Variants in ATP1A4 observed in about 807,000 individuals in gnomAD.
The protein encoded by ATP1A4 is ATPase Na+/K+ transporting subunit alpha 4.
In ATP1A4, 90 loss-of-function variants were observed where a neutral mutation model predicts 114.3. The observed-to-expected ratio is 0.79, with a 90% confidence interval of 0.66 to 0.94. The LOEUF (loss-of-function observed/expected upper bound fraction) is 0.94, where lower values mean the gene tolerates loss of function less well. Among genes scored for constraint, ATP1A4 ranks in the 40% least tolerant of loss-of-function variants. ATP1A4 has a pLI of 0.00. For synonymous variants in ATP1A4, 511 were observed against 494.1 expected, an observed-to-expected ratio of 1.03 and a Z score of -0.45; for missense variants, 1,222 against 1,313.6, an observed-to-expected ratio of 0.93 and a Z score of 1.08.
In ATP1A4 at chr1:160,159,147, G is replaced by A. The variant is rs1198474017; in HGVS notation, c.660+11G>A. On this transcript the variant is annotated intron_variant, in intron 5 of 21. Transcript: ENST00000368081. ...GCACAAGGATGTAAGGTGAGGGGAT[G>A]CCGAAAGCTATGTGAGGGACCCAAG... The A allele has an allele frequency of 9.3e-6, 15 of 1,612,430 alleles. No homozygotes were observed. The highest frequency in any genetic ancestry group is 1.3e-5 in the Non-Finnish European group (15 of 1,179,094).
Position 160,186,282 on chromosome 1 carries a change from C to G in ATP1A4, c.2976C>G (p.Thr992=), listed in dbSNP as rs780967221. ...TGGCTCTTGCTCTCTACAGGATAAC[C>G]TGGTGGCTCTGTGCCATTCCCTACA... ...VALRMYPLKI[T]WWLCAIPYSI... The change falls in exon 21 of 22, where the codon ACC becomes ACG. Residue 992 remains threonine, a synonymous_variant. Coordinates refer to ENST00000368081, the MANE Select transcript of ATP1A4 (RefSeq NM_144699.4). 1.2e-6 allele frequency: 2 copies of G among 1,611,822 alleles called. No homozygotes were observed. The highest frequency in any genetic ancestry group is 2.2e-5 in the South Asian group (2 of 91,036).
In ATP1A4 at chr1:160,176,234, C is replaced by T. The variant is rs750155346; in HGVS notation, c.2454C>T (p.Leu818=). Reference sequence around the variant, plus strand: ...CCATAACCATCCTCTGCATTGATCTCGGCACTGACATGGTAAGGGCCAAGC... The same window carrying T: ...CCATAACCATCCTCTGCATTGATCTTGGCACTGACATGGTAAGGGCCAAGC... ...LGTITILCID[L]GTDMVPAISL... is the part of the protein sequence containing the mutation. Residue 818 remains leucine, a synonymous_variant, in exon 16 of 22, where the codon CTC becomes CTT. Coordinates refer to ENST00000368081, the MANE Select transcript of ATP1A4 (RefSeq NM_144699.4). 12 of 1,614,030 alleles carry T rather than the reference C, an allele frequency of 7.4e-6. No individual in the cohort carries two copies. Among genetic ancestry groups the T allele is most frequent in the South Asian group, 4.4e-5 (4 of 91,074 alleles).
chr1:160,159,384 C>A, intron 5 of ATP1A4, 25 bp from the exon 6 acceptor site: 2 of 1,583,526 alleles, frequency 1.3e-6, no homozygotes, highest in Non-Finnish European at 1.7e-6. Context: ...GCTCACCTTA[C>A]AACGCGTCCC....
At chr1:160,181,885 C>G in intron 19 of ATP1A4, 45 bp from the exon 20 acceptor site, 1 of 1,613,768 alleles carries the variant, frequency 6.2e-7, no homozygotes, top group East Asian at 2.2e-5. Context: ...TTCCCCCTGC[C>G]TTTTCTTCTC....
At chr1:160,158,423 C>T (rs1271239886) in intron 4 of ATP1A4, among the ~76,000 whole-genome samples, 1 of 152,058 alleles carries the variant, frequency 6.6e-6, no homozygotes, top group African/African-American at 2.4e-5. Flanking sequence ...GTCACTCAGA[C>T]TGAAGCGTAG....
rs1219590776 is a variant in ATP1A4, at chr1:160,171,374, G to A, written c.1615G>A (p.Asp539Asn). 9.3e-6 allele frequency: 15 copies of A among 1,614,170 alleles called. No homozygotes were observed. The highest frequency in any genetic ancestry group is 3.3e-5 in the Admixed American group (2 of 60,014). ...GAATGGGCAGGAGTACTCAATGAAC[G>A]ATGAAATGAAGGAAGCCTTCCAAAA... The part of the protein sequence containing the change: ...LLNGQEYSMN[D>N]EMKEAFQNAY... The change falls in exon 11 of 22, where the codon GAT becomes AAT. Residue 539 changes from aspartate to asparagine, a missense_variant. Transcript: ENST00000368081.
intron 10 of ATP1A4, chr1:160,170,183 C>A (rs935828240): frequency 4.0e-5 from 6 of 151,358 alleles, no homozygotes; most frequent in African/African-American, 1.2e-4. Context: ...CCAGCAGTTT[C>A]CGAGGCCAAG....
At chr1:160,181,012 A>G (rs1286329274) in intron 18 of ATP1A4, among the ~76,000 whole-genome samples, 3 of 151,904 alleles carry the variant, frequency 2.0e-5, no homozygotes, top group East Asian at 1.9e-4. Flanking sequence ...CCACACGCCC[A>G]GCCTGCCTTC....
intron 4 of ATP1A4, 34 bp from the exon 5 acceptor site, chr1:160,158,967 AG>A: frequency 6.3e-7 from 1 of 1,597,794 alleles, no homozygotes; most frequent in Non-Finnish European, 8.6e-7. Flanking sequence ...GAAAGCCAAA[AG>A]TTTTGGAAAT....
chr1:160,173,446 C>T (rs972971929), intron 12 of ATP1A4, 135 bp from the exon 13 acceptor site: 6 of 1,303,598 alleles, frequency 4.6e-6, no homozygotes, highest in Admixed American at 2.2e-5. Flanking sequence ...TTGGTCTACA[C>T]CACAAGTTCT....
Position 160,159,395 on chromosome 1 carries a change from C to G in ATP1A4, c.661-14C>G, listed in dbSNP as rs1035433245. On this transcript the variant is annotated splice_polypyrimidine_tract_variant and intron_variant, in intron 5 of 21. Transcript: ENST00000368081. ...CTATGCTCACCTTACAACGCGTCCC[C>G]TCTCCCATCCCAGGTGGACAACTCA... 2 of 1,600,152 alleles carry G rather than the reference C, an allele frequency of 1.2e-6. No individual in the cohort carries two copies. The highest frequency in any genetic ancestry group is 1.3e-5 in the African/African-American group (1 of 74,090).
Position 160,177,509 on chromosome 1 carries a change from T to G in ATP1A4, c.2591-10T>G. ...CAGGCTCCCCTGTCCTGCAACTCTGTCATTCACAGGGATGATCCAGGCTCT... is the reference window on the plus strand; with the variant it reads ...CAGGCTCCCCTGTCCTGCAACTCTGGCATTCACAGGGATGATCCAGGCTCT... On this transcript the variant is annotated splice_polypyrimidine_tract_variant and intron_variant, in intron 17 of 21. Coordinates refer to ENST00000368081, the MANE Select transcript of ATP1A4 (RefSeq NM_144699.4). The G allele has an allele frequency of 6.2e-7, 1 of 1,613,704 alleles. No homozygotes were observed. The highest frequency in any genetic ancestry group is 1.1e-5 in the South Asian group (1 of 90,988).
At chr1:160,157,207 T>C (rs536123223) in intron 4 of ATP1A4, among the ~76,000 whole-genome samples, 5 of 144,386 alleles carry the variant, frequency 3.5e-5, no homozygotes, top group African/African-American at 1.2e-4. Context: ...TATTTTAGAT[T>C]CGGGGATACA....
At chr1:160,160,239 CAG>C (rs1652821485) in intron 6 of ATP1A4, among the ~76,000 whole-genome samples, 1 of 152,092 alleles carries the variant, frequency 6.6e-6, no homozygotes, top group South Asian at 2.1e-4. Flanking sequence ...TTTTTTGAAA[CAG>C]AGTCTCTCTC....
chr1:160,165,094 T>G (rs1475102213), intron 7 of ATP1A4, among the ~76,000 whole-genome samples: 2 of 152,222 alleles, frequency 1.3e-5, no homozygotes, highest in East Asian at 3.9e-4. Flanking sequence ...AAATAATCCC[T>G]CTTCCCTTAG....
At chr1:160,165,077 G>A (rs975983569) in intron 7 of ATP1A4, among the ~76,000 whole-genome samples, 6 of 152,208 alleles carry the variant, frequency 3.9e-5, no homozygotes, top group African/African-American at 1.4e-4. Flanking sequence ...TCTGGTGGTA[G>A]CAGGTGAAAT....
rs757109547 is a variant in ATP1A4, at chr1:160,182,006, G to A, written c.2944G>A (p.Val982Met). 2.1e-5 allele frequency: 34 copies of A among 1,613,892 alleles called. No individual in the cohort carries two copies. The Middle Eastern group carries it at 6.6e-4, about 31-fold the overall frequency. Reference sequence around the variant, plus strand: ...TCTGTCCTACACTCCAGGCATGGACGTGGCCCTGCGAATGTACCCACTCAA... The same window carrying A: ...TCTGTCCTACACTCCAGGCATGGACATGGCCCTGCGAATGTACCCACTCAA... Reference protein sequence around the residue: ...AFLSYTPGMDVALRMYPLKIT... With the variant: ...AFLSYTPGMDMALRMYPLKIT... Residue 982 changes from valine (V) to methionine (M), a missense_variant, in exon 20 of 22, where the codon GTG (valine) becomes ATG (methionine). Val to Met is a conservative substitution (Grantham distance 21, BLOSUM62 1). Coordinates refer to ENST00000368081, the MANE Select transcript of ATP1A4 (RefSeq NM_144699.4).
intron 4 of ATP1A4, among the ~76,000 whole-genome samples, chr1:160,157,852 AT>A (rs1558017468): frequency 6.6e-6 from 1 of 152,142 alleles, no homozygotes; most frequent in South Asian, 2.1e-4. Flanking sequence ...GTTTAAAATT[AT>A]TTTCAAGTTA....
chr1:160,171,332 T>C lies in ATP1A4; in HGVS notation c.1573T>C (p.Cys525Arg). The change falls in exon 11 of 22, where the codon TGT becomes CGT. Residue 525 changes from cysteine (C) to arginine (R), a missense_variant. Coordinates refer to ENST00000368081, the MANE Select transcript of ATP1A4 (RefSeq NM_144699.4). ...KGAPERILEF[C>R]STFLLNGQEY... ...TGCTCCGGAGAGGATCTTGGAGTTTTGTTCTACCTTTCTTCTGAATGGGCA... is the reference window on the plus strand; with the variant it reads ...TGCTCCGGAGAGGATCTTGGAGTTTCGTTCTACCTTTCTTCTGAATGGGCA... The C allele has an allele frequency of 6.2e-7, 1 of 1,614,172 alleles. No homozygotes were observed. The highest frequency in any genetic ancestry group is 1.1e-5 in the South Asian group (1 of 91,084).
Sources: gnomAD v4.1 joint callset for allele counts (sites outside exome capture counted in the v4.1 genomes callset) on GRCh38, gnomAD v4.1.1 for gene constraint, MANE v1.5 for transcripts, NCBI Gene and HGNC (gene_info 2026-07-23, HGNC 2026-07-21) for gene names.